SLIT3: variants seen among roughly 807,000 people sequenced by gnomAD.
SLIT3 encodes the protein slit guidance ligand 3.
A neutral mutation model predicts 184.0 loss-of-function variants in SLIT3; 68 were observed. That is an observed-to-expected ratio of 0.37 (90% confidence interval 0.30 to 0.45). The LOEUF (loss-of-function observed/expected upper bound fraction) is 0.45. Ranked by LOEUF, SLIT3 falls within the 20% of genes least tolerant of loss-of-function variation. The pLI is 1.00. For synonymous variants in SLIT3, 831 were observed against 828.6 expected (o/e 1.00, Z -0.05); for missense variants, 1,707 against 2,026.0 (o/e 0.84, Z 3.02).
chr5:168,809,409 C>G (rs1202831089), intron 8 of SLIT3, among the ~76,000 whole-genome samples: 1 of 152,226 alleles, frequency 6.6e-6, no homozygotes, highest in Non-Finnish European at 1.5e-5. Context: ...GCACCCTGGG[C>G]TGGCAGCTCA....
At chr5:169,162,363 T>A (rs1762508135) in intron 4 of SLIT3, among the ~76,000 whole-genome samples, 1 of 152,210 alleles carries the variant, frequency 6.6e-6, no homozygotes, top group South Asian at 2.1e-4. Context: ...GTGCTGTGTA[T>A]CGCCATGTTG....
chr5:169,231,104 T>C (rs949263684), intron 3 of SLIT3, among the ~76,000 whole-genome samples: 2 of 152,212 alleles, frequency 1.3e-5, no homozygotes, highest in Non-Finnish European at 2.9e-5. Context: ...ACTGTCTCTG[T>C]GGAGTTTGCA....
intron 4 of SLIT3, among the ~76,000 whole-genome samples, chr5:168,884,836 T>C (rs1760133250): frequency 6.6e-6 from 1 of 151,918 alleles, no homozygotes; most frequent in Non-Finnish European, 1.5e-5. Context: ...TGTCTAACTA[T>C]CTCCTTGGTA....
intron 32 of SLIT3, among the ~76,000 whole-genome samples, chr5:168,678,026 C>T (rs955845706): frequency 3.4e-4 from 52 of 152,198 alleles, no homozygotes; most frequent in African/African-American, 1.0e-3. Context: ...CTTGTGAGTC[C>T]CATTTTAGGG....
intron 4 of SLIT3, among the ~76,000 whole-genome samples, chr5:169,105,784 T>A (rs1247993643): frequency 2.6e-5 from 4 of 152,214 alleles, no homozygotes; most frequent in African/African-American, 7.2e-5. Context: ...AAGGACATCA[T>A]CTTATTCATT....
chr5:169,041,839 C>T (rs1757457908), intron 4 of SLIT3, among the ~76,000 whole-genome samples: 1 of 152,160 alleles, frequency 6.6e-6, no homozygotes, highest in African/African-American at 2.4e-5. Flanking sequence ...TTCTGTTAGA[C>T]AAGACCCTAT....
In SLIT3 at chr5:168,759,533, A is replaced by G. The variant is rs566916487; in HGVS notation, c.1685+1329T>C. Among the ~76,000 whole-genome samples the G allele has an allele frequency of 2.6e-5, 4 of 152,300 alleles. No homozygotes were observed. In the East Asian group the frequency reaches 7.7e-4, roughly 29 times the overall value. On this transcript the variant is annotated intron_variant, in intron 16 of 35. Coordinates refer to ENST00000519560, the MANE Select transcript of SLIT3 (RefSeq NM_003062.4). The stretch of plus-strand genomic sequence containing the variant: ...GGGGGCCATTTTAAACAGCAAAATC[A>G]CCAACAAAAACCACAAACATGCAAA...
chr5:169,075,773 T>C (rs1758714485), intron 4 of SLIT3, among the ~76,000 whole-genome samples: 1 of 152,250 alleles, frequency 6.6e-6, no homozygotes, highest in Non-Finnish European at 1.5e-5. Context: ...CTGGCTCTTC[T>C]GTGCTTCTCT....
chr5:168,840,502 G>C (rs531550296), intron 6 of SLIT3, among the ~76,000 whole-genome samples: 1 of 150,666 alleles, frequency 6.6e-6, no homozygotes, highest in East Asian at 2.0e-4. Context: ...ACTATAACTG[G>C]TGAAATGCCT....
intron 4 of SLIT3, among the ~76,000 whole-genome samples, chr5:168,939,511 C>G (rs1380653209): frequency 2.0e-5 from 3 of 152,206 alleles, no homozygotes; most frequent in African/African-American, 4.8e-5. Flanking sequence ...ATAATGCAAA[C>G]AAGATAGAGG....
chr5:168,900,683 C>A (rs1202885554), intron 4 of SLIT3, among the ~76,000 whole-genome samples: 1 of 152,110 alleles, frequency 6.6e-6, no homozygotes, highest in Non-Finnish European at 1.5e-5. Context: ...TAGCACTATT[C>A]ACAATAGTAA....
At chr5:169,038,517 CG>C (rs1489308043) in intron 4 of SLIT3, among the ~76,000 whole-genome samples, 1 of 152,074 alleles carries the variant, frequency 6.6e-6, no homozygotes, top group East Asian at 1.9e-4. Flanking sequence ...CATTAGGTAA[CG>C]AGTTGGCACC....
At chr5:168,780,017 CCTT>C (rs930607495) in intron 12 of SLIT3, among the ~76,000 whole-genome samples, 1 of 152,248 alleles carries the variant, frequency 6.6e-6, no homozygotes, top group African/African-American at 2.4e-5. Context: ...AGCCCACAGG[CCTT>C]TTTTGCAAAG....
intron 4 of SLIT3, among the ~76,000 whole-genome samples, chr5:169,009,114 A>G (rs1756043955): frequency 6.6e-6 from 1 of 152,144 alleles, no homozygotes; most frequent in Non-Finnish European, 1.5e-5. Context: ...AGAAACCAGG[A>G]AAGGTTAATT....
chr5:169,143,866 G>A (rs953519927), intron 4 of SLIT3, among the ~76,000 whole-genome samples: 1 of 152,150 alleles, frequency 6.6e-6, no homozygotes, highest in Non-Finnish European at 1.5e-5. Flanking sequence ...ATCAGGGAGA[G>A]AGAAAGTGAG....
At chr5:169,039,052 T>A (rs74888296) in intron 4 of SLIT3, among the ~76,000 whole-genome samples, 1 of 144,640 alleles carries the variant, frequency 6.9e-6, no homozygotes, top group Non-Finnish European at 1.5e-5. Context: ...CTCAGTCATC[T>A]TTTTTTTTGA....
chr5:169,044,345 C>A (rs1757551860), intron 4 of SLIT3, among the ~76,000 whole-genome samples: 1 of 152,076 alleles, frequency 6.6e-6, no homozygotes, highest in Admixed American at 6.6e-5. Flanking sequence ...TATCATTGTT[C>A]ACAGCAGCAT....
At chr5:168,755,413 C>CT (rs201247958) in intron 16 of SLIT3, among the ~76,000 whole-genome samples, 7 of 25,516 alleles carry the variant, frequency 2.7e-4, no homozygotes, top group Non-Finnish European at 4.7e-4. Context: ...TTCTTTCTTT[C>CT]TTTCTTTCTT....
chr5:169,300,591 C>A lies in SLIT3; in HGVS notation c.119G>T (p.Cys40Phe). The A allele has an allele frequency of 6.6e-7, 1 of 1,511,458 alleles. No homozygotes were observed. The highest frequency in any genetic ancestry group is 8.8e-7 in the Non-Finnish European group (1 of 1,134,168). The allele number at this position is 1,511,458 out of a possible 1,614,324, so 93.6% of individuals were successfully genotyped here. ...PAVACPTKCT[C>F]SAASVDCHGL... ...GTGGCAGTCCACGCTGGCAGCGGAGCAGGTACACTTGGTGGGGCAGGCGAC... is the reference window on the plus strand; with the variant it reads ...GTGGCAGTCCACGCTGGCAGCGGAGAAGGTACACTTGGTGGGGCAGGCGAC... Residue 40 changes from cysteine (C) to phenylalanine (F), a missense_variant, in exon 1 of 36, where the codon TGC (cysteine) becomes TTC (phenylalanine). Physicochemically the swap from Cys to Phe is radical, Grantham distance 205. Coordinates refer to ENST00000519560, the MANE Select transcript of SLIT3 (RefSeq NM_003062.4). This position sits in a 1 kb window ranked among gnomAD's most constrained non-coding sequence, Gnocchi z 4.1.
Sources: allele counts gnomAD v4.1 joint callset (sites outside exome capture counted in the v4.1 genomes callset), GRCh38; gene constraint gnomAD v4.1.1; non-coding constraint Gnocchi (gnomAD v3.1); transcripts MANE v1.5; gene names NCBI Gene and HGNC (gene_info 2026-07-23, HGNC 2026-07-21).